Variants in HIBCH observed in about 807,000 individuals in gnomAD.
The protein encoded by HIBCH is 3-hydroxyisobutyryl-CoA hydrolase.
Under a neutral mutation model 58.2 loss-of-function variants are expected in HIBCH, and 50 were observed. That is an observed-to-expected ratio of 0.86 (90% confidence interval 0.68 to 1.09). The LOEUF (loss-of-function observed/expected upper bound fraction) is 1.09, where lower values mean the gene tolerates loss of function less well. HIBCH is among the 50% of genes least tolerant of loss of function. The pLI is 0.00. For missense variants in HIBCH, 450 were observed against 449.7 expected, an observed-to-expected ratio of 1.00 and a Z score of -0.01; for synonymous variants, 151 against 146.9, an observed-to-expected ratio of 1.03 and a Z score of -0.20.
chr2:190,290,586 T>A, intron 4 of HIBCH, 101 bp from the exon 5 acceptor site: 1 of 771,406 alleles, frequency 1.3e-6, no homozygotes, highest in Non-Finnish European at 2.2e-6. Flanking sequence ...GGGAAGGGAG[T>A]ACTCTAAAAT....
chr2:190,231,460 A>T (rs971766419), intron 11 of HIBCH, among the ~76,000 whole-genome samples: 2 of 152,232 alleles, frequency 1.3e-5, no homozygotes, highest in Non-Finnish European at 2.9e-5. Flanking sequence ...CAAAATAAGC[A>T]TGATAAAATC....
intron 11 of HIBCH, chr2:190,220,578 T>A (rs751334145): frequency 6.6e-6 from 1 of 151,990 alleles, no homozygotes; most frequent in Admixed American, 6.6e-5. Flanking sequence ...AGGTGCTTTA[T>A]GAACATTCTC....
rs138786617 is a variant in HIBCH at position 190,244,925 on chromosome 2, G to C, written c.853C>G (p.Gln285Glu). 8 of 1,611,534 alleles carry C rather than the reference G, an allele frequency of 5.0e-6. No individual in the cohort carries two copies. Among genetic ancestry groups the C allele is most frequent in the Admixed American group, 1.7e-5 (1 of 59,990 alleles). The change falls in exon 11 of 14, where the codon CAG (glutamine) becomes GAG (glutamate). Residue 285 changes from glutamine to glutamate, a missense_variant. Physicochemically the swap from Gln to Glu is conservative, Grantham distance 29. Transcript: ENST00000359678. ...AGGGCAAAAGATGAACCATCTTGCTGTAAGTTTTCAATAATTTCTTCCACA... is the reference window on the plus strand; with the variant it reads ...AGGGCAAAAGATGAACCATCTTGCTCTAAGTTTTCAATAATTTCTTCCACA... The part of the protein sequence containing the change: ...NTVEEIIENL[Q>E]QDGSSFALEQ...
At chr2:190,194,909 GT>G (rs1689898097) in intron 1 of HIBCH, among the ~76,000 whole-genome samples, 1 of 152,158 alleles carries the variant, frequency 6.6e-6, no homozygotes, top group Admixed American at 6.5e-5. Context: ...CTGGAGTGCA[GT>G]GGTGCAATCA....
At chr2:190,280,420 T>C (rs1575745926) in intron 6 of HIBCH, among the ~76,000 whole-genome samples, 1 of 152,054 alleles carries the variant, frequency 6.6e-6, no homozygotes, top group Non-Finnish European at 1.5e-5. Flanking sequence ...GATGGTCAGG[T>C]GGTTGTTAAA....
At chr2:190,203,142 A>G (rs1261267532), downstream of HIBCH, 9 of 167,094 alleles carry the variant, frequency 5.4e-5, no homozygotes, top group Admixed American at 2.0e-4. Context: ...CAAATGGGGA[A>G]ACTATACTTT....
intron 7 of HIBCH, among the ~76,000 whole-genome samples, chr2:190,258,176 T>C (rs912063980): frequency 6.6e-6 from 1 of 152,158 alleles, no homozygotes; most frequent in African/African-American, 2.4e-5. Context: ...TGTGCAGTAC[T>C]TCTCCCTTCA....
intron 9 of HIBCH, among the ~76,000 whole-genome samples, chr2:190,247,435 T>C (rs2105936189): frequency 6.6e-6 from 1 of 152,338 alleles, no homozygotes; most frequent in Non-Finnish European, 1.5e-5. Flanking sequence ...TCATGTGCTC[T>C]GTATTCATAT....
chr2:190,231,555 T>C (rs896643151), intron 11 of HIBCH, among the ~76,000 whole-genome samples: 6 of 152,118 alleles, frequency 3.9e-5, no homozygotes, highest in Non-Finnish European at 5.9e-5. Context: ...ACAAAGAATA[T>C]CCACAGAAAA....
At chr2:190,287,067 TA>T (rs758913053) in intron 6 of HIBCH, among the ~76,000 whole-genome samples, 372 of 152,060 alleles carry the variant, frequency 2.4e-3, no homozygotes, top group African/African-American at 8.3e-3. Context: ...TGTATACATA[TA>T]TTTTTTTGTT....
intron 11 of HIBCH, among the ~76,000 whole-genome samples, chr2:190,230,924 T>G (rs923877246): frequency 3.3e-5 from 5 of 152,156 alleles, no homozygotes; most frequent in African/African-American, 1.2e-4. Flanking sequence ...ATAAACATAA[T>G]GCAAAAATCC....
intron 11 of HIBCH, among the ~76,000 whole-genome samples, chr2:190,226,012 GATTATCTAAA>G (rs1343600613): frequency 1.3e-5 from 2 of 152,138 alleles, no homozygotes; most frequent in Non-Finnish European, 2.9e-5. Context: ...AAAACCACAT[GATTATCTAAA>G]TAGATGCAGA....
At chr2:190,310,291 G>A (rs1035096727) in intron 2 of HIBCH, among the ~76,000 whole-genome samples, 5 of 152,130 alleles carry the variant, frequency 3.3e-5, no homozygotes, top group Non-Finnish European at 7.4e-5. Context: ...ATTTGCGGAC[G>A]GCCTATCATG....
chr2:190,229,216 T>A (rs1433206338), intron 11 of HIBCH, among the ~76,000 whole-genome samples: 1 of 152,170 alleles, frequency 6.6e-6, no homozygotes, highest in African/African-American at 2.4e-5. Flanking sequence ...TATATTTAGA[T>A]CACTTTACTT....
chr2:190,203,335 A>G (rs11216), downstream of HIBCH: 1 of 166,874 alleles, frequency 6.0e-6, no homozygotes, highest in Non-Finnish European at 1.5e-5. Flanking sequence ...GTTCAGAAGC[A>G]CTACCTGCAT....
chr2:190,219,926 C>T (rs1685669096), intron 11 of HIBCH, among the ~76,000 whole-genome samples: 1 of 152,208 alleles, frequency 6.6e-6, no homozygotes, highest in African/African-American at 2.4e-5. Context: ...AATACAGTAG[C>T]TCTTTCCTAC....
rs948735397 is a variant in HIBCH, at chr2:190,214,689, A to G, written c.892-1614T>C. The stretch of plus-strand genomic sequence containing the variant: ...TTTGTTGGATTAGTGATTTAACCCC[A>G]TGTTCCCCCTTAAAGAGGAAGAGCA... On this transcript the variant is annotated intron_variant, in intron 11 of 13. Transcript: ENST00000359678. The surrounding 1 kb of genome is among the most constrained non-coding windows in gnomAD (Gnocchi z 5.5). 2 of 152,200 alleles carry G rather than the reference A, an allele frequency of 1.3e-5. No individual in the cohort carries two copies. Among genetic ancestry groups the G allele is most frequent in the African/African-American group, 4.8e-5 (2 of 41,432 alleles). 9.4% of individuals were successfully genotyped at this position (152,200 alleles called of 1,614,324 possible). A position where few individuals can be genotyped will look rare whatever the true frequency, so the allele number is the denominator to read the frequency against.
intron 5 of HIBCH, 82 bp downstream of exon 5, chr2:190,290,323 T>G: frequency 1.1e-6 from 1 of 943,160 alleles, no homozygotes; most frequent in Non-Finnish European, 1.7e-6. Flanking sequence ...AGGATGCCTA[T>G]TGATTGCATT....
At chr2:190,259,766 T>A (rs988697788) in intron 7 of HIBCH, among the ~76,000 whole-genome samples, 1 of 152,150 alleles carries the variant, frequency 6.6e-6, no homozygotes, top group Non-Finnish European at 1.5e-5. Context: ...GAGTTTTCCA[T>A]ATATATATAA....
Sources: allele counts gnomAD v4.1 joint callset (sites outside exome capture counted in the v4.1 genomes callset), GRCh38; gene constraint gnomAD v4.1.1; non-coding constraint Gnocchi (gnomAD v3.1); transcripts MANE v1.5; gene names NCBI Gene and HGNC (gene_info 2026-07-23, HGNC 2026-07-21).